KCNN2: variants seen among roughly 807,000 people sequenced by gnomAD.
KCNN2 encodes potassium calcium-activated channel subfamily N member 2, also known as small conductance calcium-activated potassium channel protein 2.
A neutral mutation model predicts 55.5 loss-of-function variants in KCNN2; 24 were observed. The observed-to-expected ratio is 0.43, with a 90% CI of 0.31 to 0.61. The LOEUF (loss-of-function observed/expected upper bound fraction) is 0.61. KCNN2 is among the 20% of genes least tolerant of loss of function. KCNN2 has a pLI of 0.08. For missense variants in KCNN2, 754 were observed against 853.6 expected, an observed-to-expected ratio of 0.88 and a Z score of 1.45; for synonymous variants, 431 against 336.1, an observed-to-expected ratio of 1.28 and a Z score of -3.09.
chr5:114,342,362 T>C (rs1757032696), intron 2 of KCNN2, among the ~76,000 whole-genome samples: 1 of 152,312 alleles, frequency 6.6e-6, no homozygotes, highest in Admixed American at 6.5e-5. Flanking sequence ...TTACATTTTA[T>C]AGGCATCAGT....
intron 1 of KCNN2, among the ~76,000 whole-genome samples, chr5:114,218,836 A>G (rs1466991669): frequency 1.3e-5 from 2 of 152,364 alleles, no homozygotes; most frequent in East Asian, 1.9e-4. Flanking sequence ...GGCTAGGTGT[A>G]CATGGGAAGT....
At chr5:114,090,555 C>A (rs1038472751) in intron 1 of KCNN2, among the ~76,000 whole-genome samples, 1 of 131,856 alleles carries the variant, frequency 7.6e-6, no homozygotes, top group Middle Eastern at 3.9e-3. Context: ...TCCTCTCTCT[C>A]TCTCTCTATA....
chr5:114,299,281 G>C (rs1756102184), intron 2 of KCNN2, among the ~76,000 whole-genome samples: 1 of 152,044 alleles, frequency 6.6e-6, no homozygotes, highest in Admixed American at 6.6e-5. Flanking sequence ...GAGCAACTTA[G>C]GTCCGATGGT....
intron 3 of KCNN2, among the ~76,000 whole-genome samples, chr5:114,440,570 C>T (rs1760167798): frequency 6.7e-6 from 1 of 150,374 alleles, no homozygotes; most frequent in South Asian, 2.1e-4. Flanking sequence ...AAAATGAGTA[C>T]TTGGGAGGGT....
intron 2 of KCNN2, among the ~76,000 whole-genome samples, chr5:114,242,153 G>A (rs1424183732): frequency 1.3e-5 from 2 of 151,834 alleles, no homozygotes; most frequent in African/African-American, 2.4e-5. Flanking sequence ...CAATAAGCAT[G>A]CCTGCTTATT....
chr5:114,245,600 C>T (rs1258791382), intron 2 of KCNN2, among the ~76,000 whole-genome samples: 3 of 152,154 alleles, frequency 2.0e-5, no homozygotes, highest in African/African-American at 7.2e-5. Flanking sequence ...GAATTGCTTG[C>T]CTGTCTGTTC....
At chr5:114,069,255 T>TA (rs1750515857) in intron 1 of KCNN2, among the ~76,000 whole-genome samples, 1 of 152,206 alleles carries the variant, frequency 6.6e-6, no homozygotes, top group African/African-American at 2.4e-5. Flanking sequence ...ACTTACTCCT[T>TA]ATGTTTGCTC....
chr5:114,221,646 G>A (rs1456130560), intron 2 of KCNN2, among the ~76,000 whole-genome samples: 4 of 152,120 alleles, frequency 2.6e-5, no homozygotes, highest in South Asian at 2.1e-4. Flanking sequence ...AGTTAGGTCA[G>A]CTGAATTTAT....
chr5:114,086,913 T>A (rs1751028494), intron 1 of KCNN2, among the ~76,000 whole-genome samples: 1 of 152,168 alleles, frequency 6.6e-6, no homozygotes, highest in Non-Finnish European at 1.5e-5. Flanking sequence ...TGTATAAGTG[T>A]TCCCTTTTCT....
chr5:114,473,092 A>G lies in KCNN2; in HGVS notation c.1818A>G (p.Ala606=), dbSNP rs369358390. ...CAGCCCTGGTGGTAGCTGTAGTGGC[A>G]AGGAAGCTAGAACTTACCAAAGCAG... is the stretch of plus-strand genomic sequence containing the variant. ...GCTALVVAVV[A]RKLELTKAEK... Residue 606 remains alanine, a synonymous_variant, in exon 5 of 8, where the codon GCA becomes GCG. Transcript: ENST00000673685. The G allele has an allele frequency of 4.3e-5, 69 of 1,612,716 alleles. No homozygotes were observed. In the African/African-American group the frequency reaches 8.0e-4, roughly 19 times the overall value.
chr5:114,272,192 G>C (rs561190643), intron 2 of KCNN2, among the ~76,000 whole-genome samples: 1 of 151,950 alleles, frequency 6.6e-6, no homozygotes, highest in East Asian at 1.9e-4. Flanking sequence ...TAAGAGTTTT[G>C]CTATAGCTGC....
chr5:114,308,970 G>T (rs962154346), intron 2 of KCNN2, among the ~76,000 whole-genome samples: 2 of 152,200 alleles, frequency 1.3e-5, no homozygotes, highest in African/African-American at 4.8e-5. Flanking sequence ...ATTGGTTATT[G>T]TACAGCTTTA....
At chr5:114,191,396 C>T (rs1302437502) in intron 1 of KCNN2, among the ~76,000 whole-genome samples, 1 of 152,142 alleles carries the variant, frequency 6.6e-6, no homozygotes, top group Admixed American at 6.5e-5. Flanking sequence ...ATTTATGTAA[C>T]TCTTCTCTGA....
At chr5:114,292,191 T>A (rs565215412) in intron 2 of KCNN2, among the ~76,000 whole-genome samples, 108 of 152,334 alleles carry the variant, frequency 7.1e-4, no homozygotes, top group Non-Finnish European at 1.1e-3. Flanking sequence ...AGCTCTTTAG[T>A]TTAATTAGAT....
At chr5:114,254,420 T>C (rs778384298) in intron 2 of KCNN2, among the ~76,000 whole-genome samples, 1 of 152,180 alleles carries the variant, frequency 6.6e-6, no homozygotes, top group African/African-American at 2.4e-5. Flanking sequence ...TTTTCTGAAA[T>C]GACAAATAGT....
At chr5:114,203,924 A>G (rs1211513749) in intron 1 of KCNN2, among the ~76,000 whole-genome samples, 1 of 152,234 alleles carries the variant, frequency 6.6e-6, no homozygotes, top group Admixed American at 6.5e-5. Flanking sequence ...AATAGGACAC[A>G]CAGTTACAAA....
intron 1 of KCNN2, among the ~76,000 whole-genome samples, chr5:114,181,504 C>T (rs1205270907): frequency 6.6e-6 from 1 of 152,046 alleles, no homozygotes; most frequent in Non-Finnish European, 1.5e-5. Context: ...CAGATATTTG[C>T]CCATTAATTT....
chr5:114,059,902 T>C (rs1458539337), intron 1 of KCNN2, among the ~76,000 whole-genome samples: 1 of 152,088 alleles, frequency 6.6e-6, no homozygotes, highest in Non-Finnish European at 1.5e-5. Context: ...AAGATAGGAC[T>C]GAAGTGGGTG....
chr5:114,181,681 T>C (rs1284106714), intron 1 of KCNN2, among the ~76,000 whole-genome samples: 4 of 152,212 alleles, frequency 2.6e-5, no homozygotes, highest in Non-Finnish European at 5.9e-5. Flanking sequence ...GAAATATTTT[T>C]ATAATTTTGG....
Sources: allele counts gnomAD v4.1 joint callset (sites outside exome capture counted in the v4.1 genomes callset), GRCh38; gene constraint gnomAD v4.1.1; transcripts MANE v1.5; gene names NCBI Gene and HGNC (gene_info 2026-07-23, HGNC 2026-07-21).